The following NRG3 variants were observed in gnomAD, a reference collection of about 807,000 sequenced individuals.
NRG3 encodes pro-neuregulin-3, membrane-bound isoform.
Under a neutral mutation model 66.9 loss-of-function variants are expected in NRG3, and 31 were observed. That is an observed-to-expected ratio of 0.46 (90% CI 0.35 to 0.63). NRG3 has a LOEUF of 0.63. Ranked by LOEUF, NRG3 falls within the 20% of genes least tolerant of loss-of-function variation. The pLI, the probability that NRG3 is intolerant of heterozygous loss-of-function variation, is 0.00. For synonymous variants in NRG3, 393 were observed against 359.4 expected (o/e 1.09, Z -1.06); for missense variants, 910 against 878.9 (o/e 1.04, Z -0.45).
intron 2 of NRG3, among the ~76,000 whole-genome samples, chr10:82,733,958 A>T (rs1029012528): frequency 4.7e-4 from 71 of 152,332 alleles, no homozygotes; most frequent in African/African-American, 1.6e-3. Flanking sequence ...AATCACTTTT[A>T]GCTGGCCAAA....
intron 1 of NRG3, among the ~76,000 whole-genome samples, chr10:82,252,790 T>G (rs565417319): frequency 6.6e-6 from 1 of 152,306 alleles, no homozygotes; most frequent in African/African-American, 2.4e-5. Context: ...GATCTTAAAA[T>G]AGTGGGTACA....
intron 1 of NRG3, among the ~76,000 whole-genome samples, chr10:82,134,818 A>AT (rs1461186932): frequency 6.6e-6 from 1 of 152,046 alleles, no homozygotes; most frequent in Non-Finnish European, 1.5e-5. Context: ...TAAATTTTAA[A>AT]TTTAAATTTA....
At chr10:82,341,243 GATAA>G (rs768929017) in intron 1 of NRG3, among the ~76,000 whole-genome samples, 10 of 152,098 alleles carry the variant, frequency 6.6e-5, no homozygotes, top group Non-Finnish European at 1.3e-4. Flanking sequence ...ATTCTGGAGT[GATAA>G]ATAGAGTGTT....
intron 1 of NRG3, among the ~76,000 whole-genome samples, chr10:82,307,788 A>T (rs1010434279): frequency 2.0e-5 from 3 of 150,706 alleles, no homozygotes; most frequent in African/African-American, 7.3e-5. Context: ...AAAATCTTCT[A>T]TTTTAATTAT....
At chr10:81,918,871 C>T (rs1845961008) in intron 1 of NRG3, among the ~76,000 whole-genome samples, 1 of 149,922 alleles carries the variant, frequency 6.7e-6, no homozygotes, top group Admixed American at 6.6e-5. Flanking sequence ...AGAATCATTG[C>T]AATTTTCTGT....
chr10:82,620,937 C>A (rs2049002874), intron 2 of NRG3, among the ~76,000 whole-genome samples: 1 of 151,884 alleles, frequency 6.6e-6, no homozygotes, highest in South Asian at 2.1e-4. Flanking sequence ...ATAATAATCT[C>A]TATATGCTTA....
intron 1 of NRG3, among the ~76,000 whole-genome samples, chr10:82,005,977 G>GT (rs1305220629): frequency 2.6e-5 from 4 of 151,184 alleles, no homozygotes; most frequent in African/African-American, 7.3e-5. Context: ...AAACACATGA[G>GT]TTTTTTTAGC....
chr10:81,966,224 A>C (rs769605454), intron 1 of NRG3, among the ~76,000 whole-genome samples: 4 of 151,602 alleles, frequency 2.6e-5, no homozygotes, highest in Admixed American at 2.6e-4. Context: ...AATTTCTGAT[A>C]AAAGCTCTAC....
At chr10:82,189,971 A>C (rs542338967) in intron 1 of NRG3, among the ~76,000 whole-genome samples, 13 of 150,496 alleles carry the variant, frequency 8.6e-5, no homozygotes, top group East Asian at 7.8e-4. Flanking sequence ...TGAAAATAAA[A>C]AAACAAACAA....
At chr10:82,941,105 G>C (rs1848541450) in intron 4 of NRG3, among the ~76,000 whole-genome samples, 1 of 152,028 alleles carries the variant, frequency 6.6e-6, no homozygotes, top group African/African-American at 2.4e-5. Flanking sequence ...CTCTGCACTT[G>C]GATGGTGGGA....
intron 3 of NRG3, among the ~76,000 whole-genome samples, chr10:82,789,305 C>G (rs974085625): frequency 1.3e-5 from 2 of 152,000 alleles, no homozygotes; most frequent in Non-Finnish European, 2.9e-5. Context: ...GGAGCAATAG[C>G]TATTCAAATA....
chr10:82,303,957 G>T (rs754057986), intron 1 of NRG3, among the ~76,000 whole-genome samples: 1 of 152,124 alleles, frequency 6.6e-6, no homozygotes, highest in Non-Finnish European at 1.5e-5. Context: ...TTAAAATGTT[G>T]CTATCACAAG....
chr10:82,264,596 G>C (rs560960387), intron 1 of NRG3, among the ~76,000 whole-genome samples: 2 of 152,290 alleles, frequency 1.3e-5, no homozygotes, highest in South Asian at 4.1e-4. Flanking sequence ...ATGGAGTAAA[G>C]GGAAGAATGA....
chr10:82,141,001 A>G (rs1186369687), intron 1 of NRG3, among the ~76,000 whole-genome samples: 2 of 152,140 alleles, frequency 1.3e-5, no homozygotes, highest in Non-Finnish European at 2.9e-5. Flanking sequence ...ATATATTCAT[A>G]TATATGTTTA....
chr10:82,434,295 T>G (rs565980461), intron 2 of NRG3, among the ~76,000 whole-genome samples: 1 of 152,256 alleles, frequency 6.6e-6, no homozygotes, highest in South Asian at 2.1e-4. Context: ...TGCACATTGA[T>G]TTTGTATCCT....
chr10:82,761,944 CTTTCTTTCTTTCTTTCT>C lies in NRG3; in HGVS notation c.1027+23297_1027+23313del, dbSNP rs1565287266. On this transcript the variant is annotated intron_variant, in intron 3 of 8. Coordinates refer to ENST00000372141, the MANE Select transcript of NRG3 (RefSeq NM_001010848.4). ...TTTCTCTTTCTTTCTTTCTTTCTTT[CTTTCTTTCTTTCTTTCT>C]TTCTTTCTTTCTTTTCTTTCTTTCT... Among the ~76,000 whole-genome samples, 162 of 129,846 alleles carry C rather than the reference CTTTCTTTCTTTCTTTCT, an allele frequency of 1.2e-3. 3 individuals are homozygous for C. Among genetic ancestry groups the C allele is most frequent in the African/African-American group, 4.4e-3 (151 of 34,252 alleles). 85.2% of individuals were successfully genotyped at this position (129,846 alleles called of 152,430 possible).
intron 2 of NRG3, among the ~76,000 whole-genome samples, chr10:82,665,541 T>G (rs1355607091): frequency 6.6e-6 from 1 of 152,226 alleles, no homozygotes; most frequent in African/African-American, 2.4e-5. Flanking sequence ...CTTTGTCTCC[T>G]CATGACTGGT....
chr10:82,473,989 T>C (rs1380295339), intron 2 of NRG3, among the ~76,000 whole-genome samples: 1 of 151,924 alleles, frequency 6.6e-6, no homozygotes, highest in Non-Finnish European at 1.5e-5. Context: ...AAAACTATCA[T>C]GTATATGAAG....
At chr10:82,581,964 T>A (rs2790705) in intron 2 of NRG3, among the ~76,000 whole-genome samples, 13,499 of 152,116 alleles carry the variant, frequency 0.089, 655 homozygotes, top group East Asian at 0.15. Flanking sequence ...CAGACACATA[T>A]ATTAACTTTT....
Sources: gnomAD v4.1 joint callset for allele counts (sites outside exome capture counted in the v4.1 genomes callset) on GRCh38, gnomAD v4.1.1 for gene constraint, MANE v1.5 for transcripts, NCBI Gene and HGNC (gene_info 2026-07-23, HGNC 2026-07-21) for gene names.